The following P3H2 variants were observed in gnomAD, a reference collection of about 807,000 sequenced individuals.
P3H2 encodes the protein leprecan-like 1.
P3H2 carries 80 observed loss-of-function variants against 87.0 expected under a neutral mutation model. That is an observed-to-expected ratio of 0.92 (90% confidence interval 0.77 to 1.11). The LOEUF (loss-of-function observed/expected upper bound fraction) is 1.11. P3H2 is among the 50% of genes least tolerant of loss of function. P3H2 has a pLI of 0.00. For missense variants in P3H2, 1,001 were observed against 923.9 expected, an observed-to-expected ratio of 1.08 and a Z score of -1.08; for synonymous variants, 367 against 359.3, an observed-to-expected ratio of 1.02 and a Z score of -0.24.
chr3:190,088,112 C>A (rs1727286732), intron 1 of P3H2, among the ~76,000 whole-genome samples: 1 of 152,144 alleles, frequency 6.6e-6, no homozygotes, highest in Non-Finnish European at 1.5e-5. Context: ...TGGAAATAAT[C>A]TTTATTTCAA....
At chr3:190,074,542 T>G (rs1560389609) in intron 1 of P3H2, among the ~76,000 whole-genome samples, 1 of 151,930 alleles carries the variant, frequency 6.6e-6, no homozygotes, top group East Asian at 1.9e-4. Flanking sequence ...AATACTATGA[T>G]TCTAAAGGTA....
At chr3:190,054,911 TC>T (rs1489776820) in intron 1 of P3H2, among the ~76,000 whole-genome samples, 1 of 152,142 alleles carries the variant, frequency 6.6e-6, no homozygotes, top group African/African-American at 2.4e-5. Context: ...TCTTTCAATA[TC>T]CCTCTTAAAT....
At chr3:190,021,031 AC>A (rs984651993) in intron 1 of P3H2, among the ~76,000 whole-genome samples, 1 of 133,808 alleles carries the variant, frequency 7.5e-6, no homozygotes, top group Non-Finnish European at 1.7e-5. Flanking sequence ...AAAATCTGAG[AC>A]CCCAGGACCC....
chr3:190,081,506 A>T (rs1727043135), intron 1 of P3H2, among the ~76,000 whole-genome samples: 1 of 152,224 alleles, frequency 6.6e-6, no homozygotes, highest in Non-Finnish European at 1.5e-5. Flanking sequence ...AAAAAAGAGA[A>T]AGGGCCTTCA....
At chr3:189,983,656 C>T (rs710555) in intron 7 of P3H2, among the ~76,000 whole-genome samples, 70,511 of 151,932 alleles carry the variant, frequency 0.46, 16,411 homozygotes, top group Non-Finnish European at 0.48. Context: ...TATATACATT[C>T]TTGGATCTCT....
chr3:190,109,583 A>G (rs914189232), intron 1 of P3H2, among the ~76,000 whole-genome samples: 2 of 152,230 alleles, frequency 1.3e-5, no homozygotes, highest in African/African-American at 4.8e-5. Flanking sequence ...TCATCATGTT[A>G]GGACAATCAG....
intron 1 of P3H2, among the ~76,000 whole-genome samples, chr3:190,102,712 G>A (rs914896240): frequency 6.6e-6 from 1 of 152,220 alleles, no homozygotes; most frequent in Non-Finnish European, 1.5e-5. Flanking sequence ...AGTTGATAAA[G>A]CAGTGGCAGG....
chr3:190,053,457 T>G (rs1191954051), intron 1 of P3H2, among the ~76,000 whole-genome samples: 3 of 150,992 alleles, frequency 2.0e-5, no homozygotes, highest in Non-Finnish European at 3.0e-5. Flanking sequence ...GTGGTTTTTT[T>G]TTTTTTTTTT....
chr3:190,028,579 C>A (rs78553108), intron 1 of P3H2, among the ~76,000 whole-genome samples: 5,632 of 152,256 alleles, frequency 0.037, 317 homozygotes, highest in African/African-American at 0.13. Context: ...TTTTTGACCA[C>A]AAGTGCCATG....
chr3:190,015,179 T>C (rs1724711727), intron 1 of P3H2, among the ~76,000 whole-genome samples: 1 of 152,120 alleles, frequency 6.6e-6, no homozygotes, highest in African/African-American at 2.4e-5. Context: ...GCTTGGCTAA[T>C]TTTTAAAAAT....
intron 1 of P3H2, among the ~76,000 whole-genome samples, chr3:190,096,878 G>T (rs1303027371): frequency 6.6e-6 from 1 of 152,180 alleles, no homozygotes. Flanking sequence ...TTTATGAAAA[G>T]ATAAAAGCAG....
chr3:190,119,964 C>A (rs1338674238), intron 1 of P3H2, among the ~76,000 whole-genome samples: 4 of 152,024 alleles, frequency 2.6e-5, no homozygotes, highest in African/African-American at 9.7e-5. Flanking sequence ...TTTGTCAATG[C>A]CTCATGAATT....
chr3:190,014,540 T>C (rs1724692350), intron 1 of P3H2, among the ~76,000 whole-genome samples: 1 of 152,160 alleles, frequency 6.6e-6, no homozygotes, highest in Non-Finnish European at 1.5e-5. Context: ...GAAGCTCCAA[T>C]TGGCTGCATC....
chr3:190,068,377 G>A (rs1012776499), intron 1 of P3H2, among the ~76,000 whole-genome samples: 3 of 151,942 alleles, frequency 2.0e-5, no homozygotes, highest in Non-Finnish European at 4.4e-5. Flanking sequence ...CCTTAACCTC[G>A]ACAGCCACTC....
rs1405443032 is a variant in P3H2, at chr3:190,002,474, C to G, written c.481-7032G>C. ...GGAGTGCAATGGCATGGTCTCAGCT[C>G]ACTGCAATCTCTGCCTCCTGGGTTC... On this transcript the variant is annotated intron_variant, in intron 1 of 14. Coordinates refer to ENST00000319332, the MANE Select transcript of P3H2 (RefSeq NM_018192.4). Among the ~76,000 whole-genome samples the G allele has an allele frequency of 2.6e-5, 4 of 151,014 alleles. No individual in the cohort carries two copies. The East Asian group carries it at 7.8e-4, about 29-fold the overall frequency.
intron 1 of P3H2, among the ~76,000 whole-genome samples, chr3:190,068,473 C>T (rs1726586098): frequency 1.3e-5 from 2 of 152,122 alleles, no homozygotes; most frequent in Admixed American, 1.3e-4. Flanking sequence ...TACCCCACAC[C>T]CTTTGTCTCC....
intron 1 of P3H2, among the ~76,000 whole-genome samples, chr3:190,040,875 G>C (rs565990791): frequency 6.6e-6 from 1 of 150,918 alleles, no homozygotes; most frequent in African/African-American, 2.4e-5. Flanking sequence ...ATATGTTGGC[G>C]TGTGTGACCT....
intron 1 of P3H2, among the ~76,000 whole-genome samples, chr3:190,061,462 C>T (rs921257547): frequency 1.3e-4 from 20 of 152,144 alleles, no homozygotes; most frequent in Admixed American, 3.9e-4. Flanking sequence ...TCCAGAATTA[C>T]AAAGACTGGC....
Position 189,989,054 on chromosome 3 carries a change from C to A in P3H2, c.824-16G>T. On this transcript the variant is annotated splice_polypyrimidine_tract_variant and intron_variant, in intron 3 of 14. Transcript: ENST00000319332. ...ATGTAGTGATCTGGAAGACAAGAGC[C>A]AATACGTGTGTTCCTCCAGGTTGCT... 1 of 1,613,984 alleles carries A rather than the reference C, an allele frequency of 6.2e-7. No homozygotes were observed. The highest frequency in any genetic ancestry group is 8.5e-7 in the Non-Finnish European group (1 of 1,179,974).
Sources: gnomAD v4.1 joint callset for allele counts (sites outside exome capture counted in the v4.1 genomes callset) on GRCh38, gnomAD v4.1.1 for gene constraint, MANE v1.5 for transcripts, NCBI Gene and HGNC (gene_info 2026-07-23, HGNC 2026-07-21) for gene names.